Variants in EXT2 observed in about 807,000 individuals in gnomAD.
The protein encoded by EXT2 is exostosin-2.
Under a neutral mutation model 81.6 loss-of-function variants are expected in EXT2, and 53 were observed. That is an observed-to-expected ratio of 0.65 (90% CI 0.52 to 0.82). The LOEUF is 0.82. Ranked by LOEUF, EXT2 falls within the 40% of genes least tolerant of loss-of-function variation. EXT2 has a pLI of 0.00. For synonymous variants in EXT2, 320 were observed against 340.0 expected (o/e 0.94, Z 0.65); for missense variants, 774 against 910.2 (o/e 0.85, Z 1.93).
intron 13 of EXT2, among the ~76,000 whole-genome samples, chr11:44,238,186 G>A (rs2135271799): frequency 6.6e-6 from 1 of 152,184 alleles, no homozygotes; most frequent in Non-Finnish European, 1.5e-5. Context: ...TTCCTCTTTG[G>A]AAGATCTTTT....
In EXT2 at chr11:44,152,179, T is replaced by C. The variant is rs1590599095; in HGVS notation, c.1174-19432T>C. Among the ~76,000 whole-genome samples the C allele has an allele frequency of 2.6e-5, 4 of 152,340 alleles. No homozygotes were observed. The East Asian group carries it at 7.7e-4, about 29-fold the overall frequency. The stretch of plus-strand genomic sequence containing the variant: ...CAGCCTGTGGCTTATTTTCTCATTC[T>C]CTTGACATTATTTGTTGCACATCAG... On this transcript the variant is annotated intron_variant, in intron 7 of 13. Transcript: ENST00000533608.
At chr11:44,243,428 T>G (rs1189839446) in intron 13 of EXT2, among the ~76,000 whole-genome samples, 2 of 152,108 alleles carry the variant, frequency 1.3e-5, no homozygotes, top group African/African-American at 4.8e-5. Flanking sequence ...ACTGAAGTAG[T>G]TGTTGCTAAA....
chr11:44,235,250 T>TG lies in EXT2; in HGVS notation c.1935+1009dup, dbSNP rs1554941031. 4.4e-3 allele frequency among the ~76,000 whole-genome samples: 531 copies of TG among 121,976 alleles called. 17 individuals carry two copies. The highest frequency in any genetic ancestry group is 0.014 in the Middle Eastern group (3 of 210). The allele number at this position is 121,976 out of a possible 152,430, so 80.0% of individuals were successfully genotyped here. On this transcript the variant is annotated intron_variant, in intron 12 of 13. Coordinates refer to ENST00000533608, the MANE Select transcript of EXT2 (RefSeq NM_207122.2). ...CTTTTTTTTTTTTTTTTTTTTTTTT[T>TG]GGTGAGACTGAGTCTTGCTCTGTCA...
chr11:44,118,580 C>T (rs1201003449), intron 4 of EXT2, among the ~76,000 whole-genome samples: 1 of 152,100 alleles, frequency 6.6e-6, no homozygotes, highest in Non-Finnish European at 1.5e-5. Flanking sequence ...TATTTTTTAG[C>T]AGTATTCATC....
At chr11:44,228,866 T>C (rs1270757777) in intron 10 of EXT2, among the ~76,000 whole-genome samples, 1 of 152,178 alleles carries the variant, frequency 6.6e-6, no homozygotes, top group African/African-American at 2.4e-5. Context: ...GTAATTATTA[T>C]GGCTGCAAAA....
In EXT2 at chr11:44,232,367, T is replaced by G. The variant is rs925428117; in HGVS notation, c.1677T>G (p.Phe559Leu). Residue 559 changes from phenylalanine (F) to leucine (L), a missense_variant, in exon 11 of 14, where the codon TTT (phenylalanine) becomes TTG (leucine). Physicochemically the swap from Phe to Leu is conservative, Grantham distance 22. Coordinates refer to ENST00000533608, the MANE Select transcript of EXT2 (RefSeq NM_207122.2). Reference protein sequence around the residue: ...LQFGYEVWREFPDRLVGYPGR... With the variant: ...LQFGYEVWRELPDRLVGYPGR... ...TCTGTCCTTAGGTCTGGCGGGAATT[T>G]CCTGACCGGTTGGTGGGTTACCCGG... is the stretch of plus-strand genomic sequence containing the variant. 1.2e-6 allele frequency: 2 copies of G among 1,613,990 alleles called. No homozygotes were observed. Among genetic ancestry groups the G allele is most frequent in the Non-Finnish European group, 1.7e-6 (2 of 1,179,942 alleles).
intron 7 of EXT2, among the ~76,000 whole-genome samples, chr11:44,132,575 A>G (rs1366063370): frequency 1.3e-5 from 2 of 152,042 alleles, no homozygotes; most frequent in Non-Finnish European, 2.9e-5. Flanking sequence ...GCTGTTAAAA[A>G]ACTCTATGAA....
Position 44,234,217 on chromosome 11 carries a change from A to T in EXT2, c.1909A>T (p.Asn637Tyr). The part of the protein sequence containing the change: ...EDIAMNFLVA[N>Y]VTGKAVIKVT... ...TATTGCCATGAACTTCCTGGTGGCC[A>T]ACGTCACGGGAAAAGCAGTTATCAA... is the stretch of plus-strand genomic sequence containing the variant. Residue 637 changes from asparagine to tyrosine, a missense_variant, in exon 12 of 14, where the codon AAC becomes TAC. By Grantham distance (143) the Asn-to-Tyr change is moderately radical. Transcript: ENST00000533608. 6.2e-7 allele frequency: 1 copy of T among 1,614,132 alleles called. No individual in the cohort carries two copies. Among genetic ancestry groups the T allele is most frequent in the Non-Finnish European group, 8.5e-7 (1 of 1,180,012 alleles).
intron 8 of EXT2, among the ~76,000 whole-genome samples, chr11:44,191,345 A>T (rs1324923612): frequency 6.6e-6 from 1 of 152,214 alleles, no homozygotes; most frequent in Non-Finnish European, 1.5e-5. Flanking sequence ...TTCTTTTGGT[A>T]TCTCCTCCTA....
rs115116942 is a variant in EXT2 at position 44,102,065 on chromosome 11, T to C, written c.-30-5618T>C. Among the ~76,000 whole-genome samples, 456 of 152,136 alleles carry C rather than the reference T, an allele frequency of 3.0e-3. 2 individuals are homozygous for C. The highest frequency in any genetic ancestry group is 0.011 in the African/African-American group (436 of 41,522). On this transcript the variant is annotated intron_variant, in intron 1 of 13. Coordinates refer to ENST00000533608, the MANE Select transcript of EXT2 (RefSeq NM_207122.2). ...AGACATGAGCCATTTCTTAGACCCATATCCCATGGATTGAAGGGGAGGCTG... is the reference window on the plus strand; with the variant it reads ...AGACATGAGCCATTTCTTAGACCCACATCCCATGGATTGAAGGGGAGGCTG...
intron 7 of EXT2, among the ~76,000 whole-genome samples, chr11:44,138,813 G>C (rs950795378): frequency 6.6e-6 from 1 of 152,134 alleles, no homozygotes. Flanking sequence ...TACCTATAAC[G>C]TGGAGCTAAT....
intron 10 of EXT2, among the ~76,000 whole-genome samples, chr11:44,211,415 A>G (rs1955646782): frequency 6.6e-6 from 1 of 152,202 alleles, no homozygotes; most frequent in South Asian, 2.1e-4. Context: ...AGAAAATGTG[A>G]TGCATATGCA....
intron 4 of EXT2, among the ~76,000 whole-genome samples, chr11:44,119,124 T>TTATATATATATA (rs200249806): frequency 1.5e-3 from 39 of 25,612 alleles, no homozygotes; most frequent in South Asian, 2.1e-3. Context: ...ATTTGGCTAT[T>TTATATATATATA]TATATATATA....
chr11:44,177,151 GTTTTGAAAGGAATTCT>G (rs1955169780), intron 8 of EXT2, among the ~76,000 whole-genome samples: 1 of 152,132 alleles, frequency 6.6e-6, no homozygotes, highest in African/African-American at 2.4e-5. Context: ...TTGACCTTTT[GTTTTGAAAGGAATTCT>G]TTTTGAAAGG....
intron 7 of EXT2, among the ~76,000 whole-genome samples, chr11:44,141,685 G>A (rs1247206440): frequency 6.6e-6 from 1 of 152,184 alleles, no homozygotes; most frequent in African/African-American, 2.4e-5. Flanking sequence ...TCCTCCTTGG[G>A]CATTTGTTGG....
intron 7 of EXT2, among the ~76,000 whole-genome samples, chr11:44,158,710 T>C (rs1042786608): frequency 2.6e-5 from 4 of 151,950 alleles, no homozygotes; most frequent in African/African-American, 9.7e-5. Context: ...TATGTAGATC[T>C]GAATTCCTGA....
intron 10 of EXT2, among the ~76,000 whole-genome samples, chr11:44,228,748 C>A (rs1347998338): frequency 6.6e-6 from 1 of 152,124 alleles, no homozygotes. Flanking sequence ...CCCATTGTCA[C>A]CAAATTAAGT....
rs1232266207 is a variant in EXT2 at position 44,245,509 on chromosome 11, AC to A, written c.*1223del. The A allele has an allele frequency of 5.6e-6, 1 of 178,760 alleles. No individual in the cohort carries two copies. Among genetic ancestry groups the A allele is most frequent in the Non-Finnish European group, 1.2e-5 (1 of 83,308 alleles). 11.1% of individuals were successfully genotyped at this position (178,760 alleles called of 1,614,324 possible). A position where few individuals can be genotyped will look rare whatever the true frequency, so the allele number is the denominator to read the frequency against. ...GAATGTTAAATGTTATGGATTCGAA[AC>A]AGATTTATCTGGCTCTGATATTAAG... On this transcript the variant is annotated 3_prime_UTR_variant, in exon 14 of 14. Transcript: ENST00000533608.
intron 10 of EXT2, among the ~76,000 whole-genome samples, chr11:44,231,539 TAAAG>T (rs1050271921): frequency 2.6e-5 from 4 of 152,294 alleles, no homozygotes; most frequent in East Asian, 1.9e-4. Context: ...TGAGACTACT[TAAAG>T]AAAGAGTTTG....
Sources: gnomAD v4.1 joint callset for allele counts (sites outside exome capture counted in the v4.1 genomes callset) on GRCh38, gnomAD v4.1.1 for gene constraint, MANE v1.5 for transcripts, NCBI Gene and HGNC (gene_info 2026-07-23, HGNC 2026-07-21) for gene names.